CHRM3: variants seen among roughly 807,000 people sequenced by gnomAD.
The protein encoded by CHRM3 is cholinergic receptor muscarinic 3, also known as muscarinic acetylcholine receptor M3.
A neutral mutation model predicts 41.8 loss-of-function variants in CHRM3; 11 were observed. The ratio of observed to expected loss-of-function variants is 0.26; its 90% confidence interval spans 0.17 to 0.44. CHRM3 has a LOEUF of 0.44. Among genes scored for constraint, CHRM3 ranks in the 20% least tolerant of loss-of-function variants. CHRM3 has a pLI of 1.00. For missense variants in CHRM3, 571 were observed against 745.4 expected, an observed-to-expected ratio of 0.77 and a Z score of 2.72; for synonymous variants, 297 against 301.4, an observed-to-expected ratio of 0.99 and a Z score of 0.15.
intron 5 of CHRM3, among the ~76,000 whole-genome samples, chr1:239,679,253 T>C (rs1658323528): frequency 6.6e-6 from 1 of 152,162 alleles, no homozygotes; most frequent in Non-Finnish European, 1.5e-5. Flanking sequence ...CCCCATAAAT[T>C]CTATTTTCAA....
intron 1 of CHRM3, among the ~76,000 whole-genome samples, chr1:239,443,676 AG>A (rs1215861308): frequency 6.6e-6 from 1 of 152,228 alleles, no homozygotes; most frequent in Non-Finnish European, 1.5e-5. Flanking sequence ...GAAAATCTTA[AG>A]GGAAATACTT....
At chr1:239,865,043 G>A (rs12062393) in intron 6 of CHRM3, among the ~76,000 whole-genome samples, 8,795 of 152,178 alleles carry the variant, frequency 0.058, 888 homozygotes, top group African/African-American at 0.2. Context: ...TGTACCTCGC[G>A]GCATTGTATG....
chr1:239,913,905 T>A lies in CHRM3; in HGVS notation c.*4681T>A, dbSNP rs1680503133. 1 of 167,062 alleles carries A rather than the reference T, an allele frequency of 6.0e-6. No individual in the cohort carries two copies. The highest frequency in any genetic ancestry group is 2.4e-5 in the African/African-American group (1 of 41,448). 10.3% of individuals were successfully genotyped at this position (167,062 alleles called of 1,614,324 possible). A position where few individuals can be genotyped will look rare whatever the true frequency, so the allele number is the denominator to read the frequency against. The stretch of plus-strand genomic sequence containing the variant: ...GTTGCTAGAATATCAGGCCTATGTT[T>A]GTTCTGGTAGAACCACAGAGACTCA... On this transcript the variant is annotated 3_prime_UTR_variant, in exon 7 of 7. Transcript: ENST00000676153.
chr1:239,612,524 A>C (rs1667185016), intron 3 of CHRM3, among the ~76,000 whole-genome samples: 1 of 152,222 alleles, frequency 6.6e-6, no homozygotes, highest in South Asian at 2.1e-4. Context: ...TCAAATCCAC[A>C]GATAAATAGA....
At chr1:239,407,389 G>C (rs919114723) in intron 1 of CHRM3, among the ~76,000 whole-genome samples, 1 of 122,724 alleles carries the variant, frequency 8.1e-6, no homozygotes, top group Admixed American at 7.9e-5. Flanking sequence ...TGAGCTCTAT[G>C]AGACCAATGA....
intron 1 of CHRM3, among the ~76,000 whole-genome samples, chr1:239,447,101 A>G (rs970733056): frequency 1.3e-5 from 2 of 152,194 alleles, no homozygotes; most frequent in Non-Finnish European, 2.9e-5. Flanking sequence ...ATTCATGAGC[A>G]TGTGTACGTG....
intron 1 of CHRM3, among the ~76,000 whole-genome samples, chr1:239,467,697 T>C (rs564414125): frequency 2.6e-5 from 4 of 152,310 alleles, no homozygotes; most frequent in African/African-American, 9.6e-5. Flanking sequence ...CCTATTGGCT[T>C]TATTTTAAAG....
intron 5 of CHRM3, among the ~76,000 whole-genome samples, chr1:239,683,893 A>G (rs1356658511): frequency 1.3e-5 from 2 of 152,228 alleles, no homozygotes; most frequent in African/African-American, 4.8e-5. Context: ...CATTTTAGAA[A>G]AAAAAAAGAT....
At chr1:239,754,524 A>G (rs1666087425) in intron 5 of CHRM3, among the ~76,000 whole-genome samples, 1 of 152,210 alleles carries the variant, frequency 6.6e-6, no homozygotes. Flanking sequence ...AGATTCCTGG[A>G]TACTCTACAG....
chr1:239,684,762 GAA>G (rs1658951394), intron 5 of CHRM3, among the ~76,000 whole-genome samples: 1 of 126,560 alleles, frequency 7.9e-6, no homozygotes, highest in African/African-American at 2.5e-5. Flanking sequence ...AAGAAAGAAA[GAA>G]AGAAAGAGAA....
At chr1:239,689,397 T>C (rs138617872) in intron 5 of CHRM3, among the ~76,000 whole-genome samples, 12 of 152,284 alleles carry the variant, frequency 7.9e-5, no homozygotes, top group African/African-American at 2.6e-4. Flanking sequence ...AAATTTAGGC[T>C]AAATGTTGCT....
At chr1:239,862,082 G>A (rs919927107) in intron 6 of CHRM3, among the ~76,000 whole-genome samples, 1 of 152,132 alleles carries the variant, frequency 6.6e-6, no homozygotes, top group African/African-American at 2.4e-5. Flanking sequence ...AATATAAAAG[G>A]GTTTGCTTGT....
At chr1:239,681,076 T>G (rs1326877067) in intron 5 of CHRM3, among the ~76,000 whole-genome samples, 1 of 152,094 alleles carries the variant, frequency 6.6e-6, no homozygotes, top group African/African-American at 2.4e-5. Flanking sequence ...CTCATGAGAC[T>G]TATTCACTAT....
chr1:239,689,643 G>A (rs12403980), intron 5 of CHRM3, among the ~76,000 whole-genome samples: 1 of 151,868 alleles, frequency 6.6e-6, no homozygotes, highest in Non-Finnish European at 1.5e-5. Context: ...CTTTCTCAGA[G>A]ATCCTAACAG....
chr1:239,497,987 AAAT>A (rs1181160083), intron 2 of CHRM3, among the ~76,000 whole-genome samples: 1 of 152,136 alleles, frequency 6.6e-6, no homozygotes, highest in Non-Finnish European at 1.5e-5. Flanking sequence ...TAAACCCTTA[AAAT>A]AATAATAACA....
Position 239,624,678 on chromosome 1 carries a change from A to G in CHRM3, c.-312-7546A>G, listed in dbSNP as rs1395151630. On this transcript the variant is annotated intron_variant, in intron 3 of 6. Coordinates refer to ENST00000676153, the MANE Select transcript of CHRM3 (RefSeq NM_001375978.1). ...ATCCATCTTGAATTGATTTTTGTATAAGGTGTAAGGAAGGGATCCAGTTTC... is the reference window on the plus strand; with the variant it reads ...ATCCATCTTGAATTGATTTTTGTATGAGGTGTAAGGAAGGGATCCAGTTTC... 5.2e-5 allele frequency among the ~76,000 whole-genome samples: 7 copies of G among 135,562 alleles called. No homozygotes were observed. In the South Asian group the frequency reaches 7.5e-4, roughly 15 times the overall value. The allele number at this position is 135,562 out of a possible 152,430, so 88.9% of individuals were successfully genotyped here.
At chr1:239,402,284 A>G (rs12691540) in intron 1 of CHRM3, among the ~76,000 whole-genome samples, 65,273 of 151,970 alleles carry the variant, frequency 0.43, 16,797 homozygotes, top group Non-Finnish European at 0.58. Context: ...TGCAAAGATA[A>G]CTTCCCTCTT....
chr1:239,485,025 A>G (rs982491954), intron 1 of CHRM3, among the ~76,000 whole-genome samples: 3 of 152,210 alleles, frequency 2.0e-5, no homozygotes, highest in Non-Finnish European at 4.4e-5. Flanking sequence ...CCCTATATTT[A>G]TGGAGATCTT....
intron 1 of CHRM3, among the ~76,000 whole-genome samples, chr1:239,466,421 A>C (rs1572397085): frequency 6.6e-6 from 1 of 152,150 alleles, no homozygotes; most frequent in African/African-American, 2.4e-5. Context: ...AAAATATATG[A>C]TAGTCAATGG....
Sources: allele counts gnomAD v4.1 joint callset (sites outside exome capture counted in the v4.1 genomes callset), GRCh38; gene constraint gnomAD v4.1.1; transcripts MANE v1.5; gene names NCBI Gene and HGNC (gene_info 2026-07-23, HGNC 2026-07-21).